Variants in TCF12 observed in about 807,000 individuals in gnomAD.
TCF12 encodes transcription factor 12, also known as DNA-binding protein HTF4.
Under a neutral mutation model 86.0 loss-of-function variants are expected in TCF12, and 45 were observed. The ratio of observed to expected loss-of-function variants is 0.52; its 90% CI spans 0.41 to 0.67. TCF12 has a LOEUF of 0.67. Among genes scored for constraint, TCF12 ranks in the 30% least tolerant of loss-of-function variants. The pLI is 0.00. For synonymous variants in TCF12, 330 were observed against 299.6 expected, an observed-to-expected ratio of 1.10 and a Z score of -1.05; for missense variants, 881 against 859.9, an observed-to-expected ratio of 1.02 and a Z score of -0.31.
chr15:57,065,891 GA>G (rs1300130211), intron 4 of TCF12, among the ~76,000 whole-genome samples: 1 of 152,112 alleles, frequency 6.6e-6, no homozygotes, highest in Non-Finnish European at 1.5e-5. Context: ...TAGAACCATA[GA>G]ACCACATATG....
intron 3 of TCF12, among the ~76,000 whole-genome samples, chr15:57,044,781 C>G (rs954220755): frequency 5.9e-5 from 9 of 151,834 alleles, no homozygotes; most frequent in Admixed American, 6.6e-5. Flanking sequence ...TTCAAATGTT[C>G]ACGGATTTGT....
chr15:57,093,125 G>A (rs114607506), intron 5 of TCF12, among the ~76,000 whole-genome samples: 150 of 152,162 alleles, frequency 9.9e-4, no homozygotes, highest in African/African-American at 3.4e-3. Context: ...TTGTTTCAGC[G>A]TAAATAAATG....
At chr15:57,232,920 TTATATA>T (rs560027912) in intron 11 of TCF12, 64 bp downstream of exon 11, 2 of 1,155,920 alleles carry the variant, frequency 1.7e-6, no homozygotes, top group African/African-American at 3.3e-5. Flanking sequence ...CCCGATATCT[TTATATA>T]TATATATGTA....
intron 3 of TCF12, among the ~76,000 whole-genome samples, chr15:56,949,171 A>G (rs752962539): frequency 1.3e-5 from 2 of 152,176 alleles, no homozygotes; most frequent in South Asian, 4.1e-4. Flanking sequence ...TGAGCTATTT[A>G]TTGCATTGAC....
intron 5 of TCF12, among the ~76,000 whole-genome samples, chr15:57,109,940 A>G (rs1429299215): frequency 6.6e-6 from 1 of 152,220 alleles, no homozygotes; most frequent in African/African-American, 2.4e-5. Flanking sequence ...GTGGAGCTGT[A>G]TATGATAGAT....
chr15:57,212,011 T>C (rs2058131313), intron 8 of TCF12, among the ~76,000 whole-genome samples: 1 of 150,004 alleles, frequency 6.7e-6, no homozygotes, highest in South Asian at 2.1e-4. Context: ...ACACACACTT[T>C]AAGATTGGTG....
rs548250321 is a variant in TCF12, at chr15:57,048,082, T to G, written c.149-15668T>G. 7.8e-4 allele frequency among the ~76,000 whole-genome samples: 119 copies of G among 152,336 alleles called. 2 individuals are homozygous for G. In the South Asian group the frequency reaches 0.023, roughly 30 times the overall value. ...ATAGTTGTTATGTGGTGCATGACTT[T>G]ATTTACATATGAATTTTCTACCTTT... On this transcript the variant is annotated intron_variant, in intron 3 of 20. Transcript: ENST00000333725.
At chr15:57,055,773 T>C (rs1293523553) in intron 3 of TCF12, among the ~76,000 whole-genome samples, 2 of 152,190 alleles carry the variant, frequency 1.3e-5, no homozygotes, top group Non-Finnish European at 2.9e-5. Context: ...TATGTATGGT[T>C]TTCTTCTTAT....
At chr15:57,290,560 G>C (rs1247658625), downstream of TCF12, among the ~76,000 whole-genome samples, 7 of 152,170 alleles carry the variant, frequency 4.6e-5, no homozygotes, top group African/African-American at 1.7e-4. Context: ...GACATTAAAA[G>C]AAGGGCAAGT....
At chr15:57,183,785 T>C (rs2056502156) in intron 6 of TCF12, among the ~76,000 whole-genome samples, 1 of 152,150 alleles carries the variant, frequency 6.6e-6, no homozygotes, top group Non-Finnish European at 1.5e-5. Context: ...TTGTGAGCTG[T>C]TTGTAGAAGA....
chr15:57,147,458 T>C (rs1399300231), intron 5 of TCF12, among the ~76,000 whole-genome samples: 1 of 152,224 alleles, frequency 6.6e-6, no homozygotes, highest in East Asian at 1.9e-4. Flanking sequence ...GCTTATCTGC[T>C]ATAATCTTTC....
intron 5 of TCF12, among the ~76,000 whole-genome samples, chr15:57,118,652 AT>A (rs2051009722): frequency 6.6e-6 from 1 of 152,124 alleles, no homozygotes; most frequent in African/African-American, 2.4e-5. Context: ...CATTGTGCAT[AT>A]ATGTGTTACT....
intron 5 of TCF12, among the ~76,000 whole-genome samples, chr15:57,118,808 T>G (rs1404564222): frequency 6.6e-6 from 1 of 152,240 alleles, no homozygotes; most frequent in African/African-American, 2.4e-5. Context: ...TTCCAGAAAC[T>G]GATTTTTAAT....
chr15:56,975,807 C>T (rs1423071079), intron 3 of TCF12, among the ~76,000 whole-genome samples: 1 of 151,724 alleles, frequency 6.6e-6, no homozygotes, highest in African/African-American at 2.4e-5. Flanking sequence ...ACGTATTTAT[C>T]GCTAAATATA....
chr15:56,950,250 G>T lies in TCF12; in HGVS notation c.148+29152G>T, dbSNP rs550362886. On this transcript the variant is annotated intron_variant, in intron 3 of 20. Coordinates refer to ENST00000333725, the MANE Select transcript of TCF12 (RefSeq NM_207037.2). The stretch of plus-strand genomic sequence containing the variant: ...TTGTTTGTTTGTTAATTTTGAGATG[G>T]AGTCTCACTGTGTCACCCAGGCTGG... Among the ~76,000 whole-genome samples the T allele has an allele frequency of 1.6e-3, 241 of 152,204 alleles. 1 individual carries two copies. The highest frequency in any genetic ancestry group is 5.6e-3 in the African/African-American group (232 of 41,528).
chr15:57,137,375 T>C (rs1192998201), intron 5 of TCF12, among the ~76,000 whole-genome samples: 1 of 152,252 alleles, frequency 6.6e-6, no homozygotes, highest in African/African-American at 2.4e-5. Flanking sequence ...ACAAAGGATG[T>C]ATTAATGAAT....
At chr15:57,103,443 A>G (rs1404343545) in intron 5 of TCF12, among the ~76,000 whole-genome samples, 3 of 152,220 alleles carry the variant, frequency 2.0e-5, no homozygotes, top group African/African-American at 7.2e-5. Context: ...AGCCAGATGC[A>G]GTGGCACCTG....
chr15:57,151,987 T>G (rs1194062162), intron 5 of TCF12, among the ~76,000 whole-genome samples: 1 of 152,136 alleles, frequency 6.6e-6, no homozygotes, highest in Non-Finnish European at 1.5e-5. Context: ...GTTTATAGCA[T>G]CTGTTATAAG....
At chr15:56,939,560 A>G (rs1481468773) in intron 3 of TCF12, among the ~76,000 whole-genome samples, 1 of 152,218 alleles carries the variant, frequency 6.6e-6, no homozygotes, top group Non-Finnish European at 1.5e-5. Context: ...TAGACAGATT[A>G]TAAACTCTGT....
Sources: allele counts gnomAD v4.1 joint callset (sites outside exome capture counted in the v4.1 genomes callset), GRCh38; gene constraint gnomAD v4.1.1; transcripts MANE v1.5; gene names NCBI Gene and HGNC (gene_info 2026-07-23, HGNC 2026-07-21).